Variants in XIRP2 observed in about 807,000 individuals in gnomAD.
XIRP2 encodes the protein xin actin binding repeat containing 2, also known as xin actin-binding repeat-containing protein 2.
XIRP2 carries 236 observed loss-of-function variants against 277.0 expected under a neutral mutation model. That is an observed-to-expected ratio of 0.85 (90% confidence interval 0.77 to 0.95). The LOEUF (loss-of-function observed/expected upper bound fraction) is 0.95. Ranked by LOEUF, XIRP2 falls within the 40% of genes least tolerant of loss-of-function variation. The pLI is 0.00. For missense variants in XIRP2, 4,640 were observed against 4,157.5 expected (o/e 1.12, Z -3.19); for synonymous variants, 1,490 against 1,416.5 (o/e 1.05, Z -1.17).
intron 2 of XIRP2, among the ~76,000 whole-genome samples, chr2:167,107,505 T>C (rs1191509232): frequency 1.3e-5 from 2 of 151,796 alleles, no homozygotes; most frequent in Admixed American, 6.6e-5. Context: ...ATTTCACTGA[T>C]CAGTTTTATA....
rs778165987 is a variant in XIRP2 at position 167,244,486 on chromosome 2, A to C, written c.3094A>C (p.Ser1032Arg). 9 of 1,613,702 alleles carry C rather than the reference A, an allele frequency of 5.6e-6. No individual in the cohort carries two copies. The East Asian group carries it at 2.0e-4, about 36-fold the overall frequency. Reference protein sequence around the residue: ...ETRPIDQFDESIHKFQIIRGI... With the variant: ...ETRPIDQFDERIHKFQIIRGI... ...AAGGCCCATTGACCAGTTTGATGAA[A>C]GCATTCATAAATTTCAAATAATTAG... Residue 1032 changes from serine (S) to arginine (R), a missense_variant, in exon 9 of 11, where the codon AGC (serine) becomes CGC (arginine). Transcript: ENST00000409195.
chr2:166,966,790 A>C (rs1686444663), intron 2 of XIRP2, among the ~76,000 whole-genome samples: 1 of 152,010 alleles, frequency 6.6e-6, no homozygotes, highest in Admixed American at 6.6e-5. Context: ...ATTACAGATA[A>C]TCAGATCATT....
chr2:166,979,369 C>CTTTTCTTTT (rs1173291393), intron 2 of XIRP2, among the ~76,000 whole-genome samples: 21 of 108,498 alleles, frequency 1.9e-4, no homozygotes, highest in Non-Finnish European at 2.5e-4. Context: ...CTTTTCTTTT[C>CTTTTCTTTT]TTTTTTTTTT....
At position 167,218,625 on chromosome 2, in the gene XIRP2, G is replaced by A. The variant is rs111330239; in HGVS notation, c.858+325G>A. Among the ~76,000 whole-genome samples, 454 of 152,228 alleles carry A rather than the reference G, an allele frequency of 3.0e-3. 5 individuals are homozygous for A. Among genetic ancestry groups the A allele is most frequent in the African/African-American group, 0.01 (431 of 41,532 alleles). On this transcript the variant is annotated intron_variant, in intron 5 of 10. Transcript: ENST00000409195. ...CTGTTGAGAGCAATGTTTATACTGA[G>A]CCTCTGCTTCTAGGTTATAATTCAT...
chr2:167,087,709 G>A (rs1574242623), intron 2 of XIRP2, among the ~76,000 whole-genome samples: 1 of 152,182 alleles, frequency 6.6e-6, no homozygotes. Flanking sequence ...GATTTTCCAG[G>A]TGCGTCTGTC....
intron 2 of XIRP2, among the ~76,000 whole-genome samples, chr2:167,069,341 G>T (rs1689381325): frequency 6.6e-6 from 1 of 152,136 alleles, no homozygotes; most frequent in Non-Finnish European, 1.5e-5. Context: ...GTGCAGTGGT[G>T]GTTGGACACC....
Position 167,250,597 on chromosome 2 carries a change from C to A in XIRP2, c.9205C>A (p.Gln3069Lys), listed in dbSNP as rs781331546. The A allele has an allele frequency of 3.1e-6, 5 of 1,613,016 alleles. No homozygotes were observed. In the African/African-American group the frequency reaches 5.4e-5, roughly 17 times the overall value. Residue 3069 changes from glutamine (Q) to lysine (K), a missense_variant, in exon 9 of 11, where the codon CAG becomes AAG. Transcript: ENST00000409195. ...VHVSNNKNSE[Q>K]KENKIAKEKT... ...TGTCAGCAATAATAAAAATAGTGAA[C>A]AGAAAGAAAATAAAATTGCCAAAGA...
intron 2 of XIRP2, among the ~76,000 whole-genome samples, chr2:166,924,668 C>G (rs1261561336): frequency 1.3e-5 from 2 of 151,932 alleles, no homozygotes; most frequent in African/African-American, 4.8e-5. Context: ...CCTCCTAGAA[C>G]CATATTTTAT....
chr2:166,961,873 T>C (rs1686306282), intron 2 of XIRP2, among the ~76,000 whole-genome samples: 1 of 151,764 alleles, frequency 6.6e-6, no homozygotes, highest in African/African-American at 2.4e-5. Flanking sequence ...TTAAAATCCA[T>C]GTAATAAGCT....
chr2:166,963,615 T>G (rs894299815), intron 2 of XIRP2, among the ~76,000 whole-genome samples: 4 of 151,624 alleles, frequency 2.6e-5, no homozygotes, highest in Non-Finnish European at 5.9e-5. Flanking sequence ...GTAAGAGAAA[T>G]CCACATACAG....
chr2:167,175,610 C>T lies in XIRP2; in HGVS notation c.563-35125C>T, dbSNP rs113652088. Among the ~76,000 whole-genome samples, 506 of 152,136 alleles carry T rather than the reference C, an allele frequency of 3.3e-3. 5 individuals are homozygous for T. Among genetic ancestry groups the T allele is most frequent in the Non-Finnish European group, 5.5e-3 (373 of 67,990 alleles). On this transcript the variant is annotated intron_variant, in intron 3 of 10. Coordinates refer to ENST00000409195, the MANE Select transcript of XIRP2 (RefSeq NM_152381.6). ...AGGTGTCTCCCAGGCAGGAGGCAGG[C>T]GGTTCAGGGAACCACTTGAGGAGGC...
intron 2 of XIRP2, among the ~76,000 whole-genome samples, chr2:167,091,720 G>T (rs1253150342): frequency 6.6e-6 from 1 of 152,028 alleles, no homozygotes; most frequent in Non-Finnish European, 1.5e-5. Context: ...ACTAGTATTG[G>T]ACATTACATA....
At chr2:167,253,956 T>C (rs764346422) in intron 9 of XIRP2, 76 bp from the exon 10 acceptor site, 8 of 1,474,222 alleles carry the variant, frequency 5.4e-6, no homozygotes, top group Non-Finnish European at 6.4e-6. Flanking sequence ...AGTTAATATG[T>C]GTTTTTGTTT....
chr2:167,009,952 A>T (rs535507573), intron 2 of XIRP2, among the ~76,000 whole-genome samples: 3 of 152,132 alleles, frequency 2.0e-5, no homozygotes, highest in African/African-American at 7.2e-5. Context: ...TTCATTATAG[A>T]TTCTGGATAT....
At position 166,909,682 on chromosome 2, in the gene XIRP2, C is replaced by T. The variant is rs1172894541; in HGVS notation, c.408+5792C>T. Among the ~76,000 whole-genome samples the T allele has an allele frequency of 3.9e-5, 6 of 152,174 alleles. No individual in the cohort carries two copies. In the South Asian group the frequency reaches 1.0e-3, roughly 26 times the overall value. ...AATAGGAGTGGTGAGAGAGGGCATC[C>T]CTGTCTTGTGCCAGTTTTCAAAGGG... is the stretch of plus-strand genomic sequence containing the variant. On this transcript the variant is annotated intron_variant, in intron 2 of 10. Coordinates refer to ENST00000409195, the MANE Select transcript of XIRP2 (RefSeq NM_152381.6).
At chr2:166,934,125 TG>T (rs1685425377) in intron 2 of XIRP2, among the ~76,000 whole-genome samples, 1 of 147,736 alleles carries the variant, frequency 6.8e-6, no homozygotes, top group East Asian at 2.0e-4. Flanking sequence ...ATGGTAAAAG[TG>T]AATGACATCA....
Position 167,231,985 on chromosome 2 carries a change from T to C in XIRP2, c.859-7870T>C, listed in dbSNP as rs565549999. On this transcript the variant is annotated intron_variant, in intron 5 of 10. Transcript: ENST00000409195. Reference sequence around the variant, plus strand: ...CTGGATACAAATCCTCCTAGTCTTATTCTCCAGTTTCCTGGAGATTTCTTG... The same window carrying C: ...CTGGATACAAATCCTCCTAGTCTTACTCTCCAGTTTCCTGGAGATTTCTTG... 3.9e-5 allele frequency among the ~76,000 whole-genome samples: 6 copies of C among 152,106 alleles called. No individual in the cohort carries two copies. The South Asian group carries it at 8.3e-4, about 21-fold the overall frequency.
chr2:167,070,766 G>T (rs765699879), intron 2 of XIRP2, among the ~76,000 whole-genome samples: 51 of 152,092 alleles, frequency 3.4e-4, no homozygotes, highest in Admixed American at 8.5e-4. Context: ...CCAGGCTCAA[G>T]GAAAGTTGTT....
chr2:167,111,010 C>A (rs138831375), intron 2 of XIRP2, among the ~76,000 whole-genome samples: 4 of 151,916 alleles, frequency 2.6e-5, no homozygotes, highest in African/African-American at 4.8e-5. Context: ...GTGATTTTTG[C>A]GCGTTGATTT....
Sources: allele counts gnomAD v4.1 joint callset (sites outside exome capture counted in the v4.1 genomes callset), GRCh38; gene constraint gnomAD v4.1.1; transcripts MANE v1.5; gene names NCBI Gene and HGNC (gene_info 2026-07-23, HGNC 2026-07-21).